Variants in AGBL4 observed in about 807,000 individuals in gnomAD.
AGBL4 encodes AGBL carboxypeptidase 4, also known as cytosolic carboxypeptidase 6.
Under a neutral mutation model 66.4 loss-of-function variants are expected in AGBL4, and 58 were observed. The ratio of observed to expected loss-of-function variants is 0.87; its 90% CI spans 0.71 to 1.09. The LOEUF is 1.09. Among genes scored for constraint, AGBL4 ranks in the 50% least tolerant of loss-of-function variants. The pLI is 0.00. For synonymous variants in AGBL4, 234 were observed against 222.9 expected (o/e 1.05, Z -0.44); for missense variants, 579 against 631.0 (o/e 0.92, Z 0.88).
intron 12 of AGBL4, among the ~76,000 whole-genome samples, chr1:48,535,196 A>G (rs1643949385): frequency 6.6e-6 from 1 of 152,078 alleles, no homozygotes; most frequent in Admixed American, 6.5e-5. Context: ...CTAGGAAGGC[A>G]AAAAGCCATC....
At chr1:49,753,585 T>A (rs1018434370) in intron 2 of AGBL4, among the ~76,000 whole-genome samples, 8 of 152,200 alleles carry the variant, frequency 5.3e-5, no homozygotes, top group Non-Finnish European at 8.8e-5. Context: ...TGTGGTGTTG[T>A]CTGTATTCCC....
intron 6 of AGBL4, among the ~76,000 whole-genome samples, chr1:48,723,578 A>G (rs1647183629): frequency 6.6e-6 from 1 of 152,254 alleles, no homozygotes; most frequent in African/African-American, 2.4e-5. Flanking sequence ...GTCCATAAGA[A>G]AACTAAACAC....
At chr1:49,001,615 C>T (rs566465716) in intron 5 of AGBL4, among the ~76,000 whole-genome samples, 1 of 152,170 alleles carries the variant, frequency 6.6e-6, no homozygotes, top group African/African-American at 2.4e-5. Context: ...GGTGTCAGCT[C>T]TAAGTCCTGA....
At chr1:49,613,009 A>T (rs984588455) in intron 3 of AGBL4, among the ~76,000 whole-genome samples, 1 of 152,224 alleles carries the variant, frequency 6.6e-6, no homozygotes, top group Non-Finnish European at 1.5e-5. Flanking sequence ...TGGACTGGAT[A>T]AAGAAAATGT....
chr1:48,729,665 G>A (rs1647783890), intron 6 of AGBL4, among the ~76,000 whole-genome samples: 1 of 151,984 alleles, frequency 6.6e-6, no homozygotes, highest in East Asian at 1.9e-4. Flanking sequence ...CCCATATGCT[G>A]AGCCCTTCCC....
chr1:49,527,485 T>C (rs1431453923), intron 3 of AGBL4: 1 of 152,664 alleles, frequency 6.6e-6, no homozygotes, highest in Admixed American at 6.5e-5. Context: ...TGCTGGGTCA[T>C]AAGCCTCAAT....
intron 6 of AGBL4, among the ~76,000 whole-genome samples, chr1:48,690,849 G>C (rs1347109359): frequency 6.6e-6 from 1 of 152,056 alleles, no homozygotes; most frequent in Non-Finnish European, 1.5e-5. Flanking sequence ...AAAGTAAAAA[G>C]AAACAAGTGA....
intron 3 of AGBL4, among the ~76,000 whole-genome samples, chr1:49,371,258 T>C (rs1644338410): frequency 6.7e-6 from 1 of 148,478 alleles, no homozygotes; most frequent in Non-Finnish European, 1.5e-5. Flanking sequence ...GATACATACA[T>C]ACATACATAC....
intron 3 of AGBL4, among the ~76,000 whole-genome samples, chr1:49,394,571 T>TC (rs1349190775): frequency 1.3e-5 from 2 of 151,850 alleles, no homozygotes; most frequent in South Asian, 2.1e-4. Flanking sequence ...GAGATGCAGA[T>TC]CCCCCCTCTT....
At chr1:49,058,166 C>T (rs1275025326) in intron 4 of AGBL4, among the ~76,000 whole-genome samples, 1 of 152,192 alleles carries the variant, frequency 6.6e-6, no homozygotes, top group Non-Finnish European at 1.5e-5. Context: ...ATGTAGTATC[C>T]TGATTTGTTT....
At chr1:49,882,616 T>C (rs1470580793) in intron 1 of AGBL4, among the ~76,000 whole-genome samples, 1 of 152,192 alleles carries the variant, frequency 6.6e-6, no homozygotes, top group Non-Finnish European at 1.5e-5. Flanking sequence ...CCATTGTAAG[T>C]TGGATTCCTA....
At chr1:49,745,189 A>G (rs1056848223) in intron 2 of AGBL4, among the ~76,000 whole-genome samples, 1 of 152,060 alleles carries the variant, frequency 6.6e-6, no homozygotes, top group Non-Finnish European at 1.5e-5. Context: ...AAAAAATGCA[A>G]AGAGAATATA....
At chr1:48,964,262 C>T (rs1419142) in intron 5 of AGBL4, among the ~76,000 whole-genome samples, 38,107 of 152,088 alleles carry the variant, frequency 0.25, 6,295 homozygotes, top group African/African-American at 0.47. Flanking sequence ...TTCTCCTAGA[C>T]GATGGAGGCC....
Position 49,304,815 on chromosome 1 carries a change from T to C in AGBL4, c.283-58951A>G, listed in dbSNP as rs564057458. Reference sequence around the variant, plus strand: ...GCCAGTATATGAGAATATTAAGACATAGTATAAACTGTTATATTTAATGTA... The same window carrying C: ...GCCAGTATATGAGAATATTAAGACACAGTATAAACTGTTATATTTAATGTA... On this transcript the variant is annotated intron_variant, in intron 3 of 13. Coordinates refer to ENST00000371839, the MANE Select transcript of AGBL4 (RefSeq NM_032785.4). Among the ~76,000 whole-genome samples the C allele has an allele frequency of 3.3e-5, 5 of 152,334 alleles. No individual in the cohort carries two copies. In the East Asian group the frequency reaches 7.7e-4, roughly 24 times the overall value.
intron 1 of AGBL4, among the ~76,000 whole-genome samples, chr1:50,004,770 T>A (rs1325883067): frequency 6.6e-6 from 1 of 152,122 alleles, no homozygotes; most frequent in Admixed American, 6.6e-5. Flanking sequence ...AGCAACTGTA[T>A]CCAGGCAGTG....
intron 3 of AGBL4, among the ~76,000 whole-genome samples, chr1:49,397,325 G>C (rs1390544931): frequency 6.6e-6 from 1 of 152,050 alleles, no homozygotes; most frequent in Non-Finnish European, 1.5e-5. Context: ...TGAAACTAGA[G>C]AATAGAAACC....
At position 48,928,090 on chromosome 1, in the gene AGBL4, G is replaced by A. The variant is rs1021980469; in HGVS notation, c.595-60860C>T. Among the ~76,000 whole-genome samples, 5 of 152,130 alleles carry A rather than the reference G, an allele frequency of 3.3e-5. No individual in the cohort carries two copies. The South Asian group carries it at 6.2e-4, about 19-fold the overall frequency. ...GAATTCATCAGTGCTAATGGCTTTA[G>A]GAACTATACCAAGAATGCCACCTCT... On this transcript the variant is annotated intron_variant, in intron 5 of 13. Coordinates refer to ENST00000371839, the MANE Select transcript of AGBL4 (RefSeq NM_032785.4).
At chr1:48,547,887 C>T (rs1346886790) in intron 11 of AGBL4, among the ~76,000 whole-genome samples, 3 of 152,096 alleles carry the variant, frequency 2.0e-5, no homozygotes, top group Non-Finnish European at 4.4e-5. Context: ...GGCCATTTCC[C>T]TTCACTGGGC....
intron 3 of AGBL4, among the ~76,000 whole-genome samples, chr1:49,248,600 C>A (rs1304975422): frequency 6.6e-6 from 1 of 152,102 alleles, no homozygotes; most frequent in Non-Finnish European, 1.5e-5. Flanking sequence ...CAGTTCCCTA[C>A]ACGTTCTGCG....
Sources: allele counts gnomAD v4.1 joint callset (sites outside exome capture counted in the v4.1 genomes callset), GRCh38; gene constraint gnomAD v4.1.1; transcripts MANE v1.5; gene names NCBI Gene and HGNC (gene_info 2026-07-23, HGNC 2026-07-21).